Variants in NTAQ1 observed in about 807,000 individuals in gnomAD.
The protein encoded by NTAQ1 is N-terminal glutamine amidase 1, also known as protein N-terminal glutamine amidohydrolase.
In NTAQ1, 21 loss-of-function variants were observed where a neutral mutation model predicts 28.2. That is an observed-to-expected ratio of 0.74 (90% CI 0.53 to 1.07). NTAQ1 has a LOEUF of 1.07. Ranked by LOEUF, NTAQ1 falls within the 50% of genes least tolerant of loss-of-function variation. The probability of loss-of-function intolerance (pLI) is 0.00; values close to 1 mark genes in which losing one functional copy is unlikely to be tolerated. For missense variants in NTAQ1, 264 were observed against 256.6 expected (o/e 1.03, Z -0.20); for synonymous variants, 105 against 90.0 (o/e 1.17, Z -0.94).
chr8:123,474,273 C>G (rs1410684199), downstream of NTAQ1, among the ~76,000 whole-genome samples: 2 of 152,158 alleles, frequency 1.3e-5, no homozygotes, highest in Non-Finnish European at 2.9e-5. Context: ...GAGAAGGAGA[C>G]AAACTTAGTC....
chr8:123,428,900 C>A (rs970502028), intron 2 of NTAQ1, among the ~76,000 whole-genome samples: 27 of 152,046 alleles, frequency 1.8e-4, no homozygotes, highest in African/African-American at 6.5e-4. Context: ...CTGTGCCTGG[C>A]CATTTTTTTT....
chr8:123,473,821 CT>C (rs1816065569), downstream of NTAQ1, among the ~76,000 whole-genome samples: 2 of 152,068 alleles, frequency 1.3e-5, no homozygotes. Flanking sequence ...TGTTATTTAA[CT>C]TTATGACCTC....
rs149259844 is a variant in NTAQ1, at chr8:123,467,115, G to C, written c.409G>C (p.Gly137Arg). The change falls in exon 7 of 7, where the codon GGC (glycine) becomes CGC (arginine). Residue 137 changes from glycine (G) to arginine (R), a missense_variant. Transcript: ENST00000650311. ...GGCTGGAGTGCAGTTGCGTGATCCC[G>C]GCTCACTGCAAGCTCCGCCTCCTGG... 301 of 148,886 alleles carry C rather than the reference G, an allele frequency of 2.0e-3. 2 individuals carry two copies. The highest frequency in any genetic ancestry group is 7.2e-3 in the African/African-American group (290 of 40,256). 9.2% of individuals were successfully genotyped at this position (148,886 alleles called of 1,614,324 possible).
chr8:123,418,052 A>G (rs1411418386), intron 1 of NTAQ1, among the ~76,000 whole-genome samples: 1 of 152,212 alleles, frequency 6.6e-6, no homozygotes, highest in Non-Finnish European at 1.5e-5. Context: ...ATAAATGTTT[A>G]TTAGGCACTT....
At chr8:123,451,820 C>T (rs893149467), downstream of NTAQ1, among the ~76,000 whole-genome samples, 2 of 152,202 alleles carry the variant, frequency 1.3e-5, no homozygotes, top group African/African-American at 4.8e-5. Context: ...GTCCGCCACT[C>T]CACTGGATCT....
At chr8:123,451,351 T>A (rs994655904), downstream of NTAQ1, among the ~76,000 whole-genome samples, 3 of 152,190 alleles carry the variant, frequency 2.0e-5, no homozygotes, top group Admixed American at 6.5e-5. Flanking sequence ...TCCTTTTTTT[T>A]AAATTAAGAT....
intron 1 of NTAQ1, among the ~76,000 whole-genome samples, chr8:123,420,971 G>C (rs1813648601): frequency 6.6e-6 from 1 of 151,640 alleles, no homozygotes; most frequent in African/African-American, 2.4e-5. Context: ...ATTTTTAGTA[G>C]AGACGGGGTT....
intron 2 of NTAQ1, among the ~76,000 whole-genome samples, chr8:123,428,470 G>A (rs538184041): frequency 3.0e-4 from 45 of 152,126 alleles, no homozygotes; most frequent in South Asian, 1.0e-3. Flanking sequence ...AGTGCTGGGA[G>A]TACAGGTGTG....
chr8:123,452,537 C>T (rs1185073866), downstream of NTAQ1, among the ~76,000 whole-genome samples: 3 of 151,900 alleles, frequency 2.0e-5, no homozygotes, highest in Non-Finnish European at 2.9e-5. Context: ...GCAGAGGTTG[C>T]AGTGAGCTAA....
downstream of NTAQ1, among the ~76,000 whole-genome samples, chr8:123,471,781 G>A (rs1362308018): frequency 1.3e-5 from 2 of 152,038 alleles, no homozygotes; most frequent in Non-Finnish European, 2.9e-5. Context: ...CATTAGGGAG[G>A]GTAATCTGGT....
chr8:123,473,720 C>T (rs994443446), downstream of NTAQ1, among the ~76,000 whole-genome samples: 4 of 152,160 alleles, frequency 2.6e-5, no homozygotes, highest in African/African-American at 7.2e-5. Flanking sequence ...CTCTTTCAAG[C>T]GGTAAGTAAT....
intron 3 of NTAQ1, among the ~76,000 whole-genome samples, chr8:123,433,107 T>G (rs1814496867): frequency 6.6e-6 from 1 of 152,210 alleles, no homozygotes. Flanking sequence ...ACAATCAGTC[T>G]TTTCCTGGCA....
At chr8:123,450,520 C>T (rs1815459152), downstream of NTAQ1, among the ~76,000 whole-genome samples, 1 of 142,762 alleles carries the variant, frequency 7.0e-6, no homozygotes, top group Non-Finnish European at 1.6e-5. Context: ...AACGAATTAC[C>T]CATTTCTGCC....
At chr8:123,447,338 A>G (rs1199071112) in intron 6 of NTAQ1, among the ~76,000 whole-genome samples, 3 of 134,550 alleles carry the variant, frequency 2.2e-5, no homozygotes, top group African/African-American at 8.1e-5. Context: ...TAATATATGA[A>G]CGTGTTCTTT....
At chr8:123,466,289 T>C (rs151237799) in intron 6 of NTAQ1, among the ~76,000 whole-genome samples, 178 of 152,316 alleles carry the variant, frequency 1.2e-3, no homozygotes, top group Admixed American at 4.2e-3. Flanking sequence ...CCAATTAAAG[T>C]AGCTCCAGAC....
intron 6 of NTAQ1, among the ~76,000 whole-genome samples, chr8:123,453,827 G>A (rs1430413439): frequency 1.3e-5 from 2 of 152,128 alleles, no homozygotes; most frequent in Non-Finnish European, 2.9e-5. Context: ...ATTAGGAAAC[G>A]TAGGCACAGT....
chr8:123,442,709 C>T (rs967978069), downstream of NTAQ1, among the ~76,000 whole-genome samples: 5 of 151,882 alleles, frequency 3.3e-5, no homozygotes, highest in Non-Finnish European at 7.4e-5. Context: ...TGCTCTGTCA[C>T]CCAGGCTGGA....
chr8:123,449,948 TGC>T (rs1563901992), downstream of NTAQ1, among the ~76,000 whole-genome samples: 22 of 20,698 alleles, frequency 1.1e-3, 2 homozygotes, highest in East Asian at 8.5e-3. Context: ...TGTGTGTGTG[TGC>T]ATATATATAT....
At chr8:123,436,749 C>T (rs1586947708) in intron 4 of NTAQ1, 148 bp downstream of exon 4, 4 of 827,548 alleles carry the variant, frequency 4.8e-6, no homozygotes, top group Non-Finnish European at 7.2e-6. Context: ...GTATTTGCAA[C>T]ACAGGAGATT....
Sources: gnomAD v4.1 joint callset for allele counts (sites outside exome capture counted in the v4.1 genomes callset) on GRCh38, gnomAD v4.1.1 for gene constraint, MANE v1.5 for transcripts, NCBI Gene and HGNC (gene_info 2026-07-23, HGNC 2026-07-21) for gene names.